VRK2: variants seen among roughly 807,000 people sequenced by gnomAD.
The protein encoded by VRK2 is VRK serine/threonine kinase 2, also known as serine/threonine-protein kinase VRK2.
In VRK2, 60 loss-of-function variants were observed where a neutral mutation model predicts 57.6. The observed-to-expected ratio is 1.04, with a 90% CI of 0.85 to 1.29. The LOEUF (loss-of-function observed/expected upper bound fraction) is 1.29. VRK2 is among the 50% of genes most tolerant of loss of function. The pLI is 0.00. For synonymous variants in VRK2, 231 were observed against 199.2 expected, an observed-to-expected ratio of 1.16 and a Z score of -1.35; for missense variants, 705 against 588.1, an observed-to-expected ratio of 1.20 and a Z score of -2.06.
At chr2:57,984,289 C>A (rs1294269119) in intron 1 of VRK2, among the ~76,000 whole-genome samples, 1 of 151,484 alleles carries the variant, frequency 6.6e-6, no homozygotes, top group African/African-American at 2.4e-5. Context: ...AAAAAGCAAA[C>A]AACAATAAAA....
At chr2:58,151,243 C>T (rs1181166039) in intron 12 of VRK2, among the ~76,000 whole-genome samples, 1 of 151,642 alleles carries the variant, frequency 6.6e-6, no homozygotes, top group Non-Finnish European at 1.5e-5. Flanking sequence ...TACATTTTTG[C>T]TTCATAGATT....
At chr2:58,020,319 C>T (rs1399820390) in intron 1 of VRK2, among the ~76,000 whole-genome samples, 4 of 152,238 alleles carry the variant, frequency 2.6e-5, no homozygotes, top group African/African-American at 7.2e-5. Context: ...AATCCTCCCA[C>T]CTCAGCCTCC....
intron 7 of VRK2, among the ~76,000 whole-genome samples, chr2:58,109,387 G>C (rs769227390): frequency 6.6e-6 from 1 of 151,774 alleles, no homozygotes; most frequent in African/African-American, 2.4e-5. Context: ...CCAGTAAATT[G>C]CCTTGTGCTT....
chr2:58,111,587 A>G (rs1225098857), intron 7 of VRK2, among the ~76,000 whole-genome samples: 2 of 152,168 alleles, frequency 1.3e-5, no homozygotes, highest in Admixed American at 6.5e-5. Flanking sequence ...CCCCATCTCT[A>G]TTTTAAAAAT....
chr2:58,025,680 C>G (rs148582479), exon 2 of VRK2: 72 of 152,230 alleles, frequency 4.7e-4, no homozygotes, highest in African/African-American at 1.7e-3. Flanking sequence ...GAATGAATCC[C>G]CAAGATGGCT....
At chr2:57,964,873 C>A (rs1440450321) in intron 1 of VRK2, among the ~76,000 whole-genome samples, 10 of 80,796 alleles carry the variant, frequency 1.2e-4, no homozygotes, top group Non-Finnish European at 2.2e-4. Flanking sequence ...GAATGAGAAT[C>A]CATCTCAAAA....
chr2:58,118,262 C>G (rs927388290), intron 7 of VRK2, among the ~76,000 whole-genome samples: 7 of 152,202 alleles, frequency 4.6e-5, no homozygotes, highest in African/African-American at 1.4e-4. Context: ...GGGTGAAGGA[C>G]CAAGGCAGGT....
intron 2 of VRK2, among the ~76,000 whole-genome samples, chr2:58,028,670 G>T (rs1384359895): frequency 6.6e-6 from 1 of 151,238 alleles, no homozygotes; most frequent in Non-Finnish European, 1.5e-5. Context: ...CTCACTCATA[G>T]GTGGGAACTG....
intron 1 of VRK2, among the ~76,000 whole-genome samples, chr2:58,007,014 T>C (rs941926550): frequency 6.6e-6 from 1 of 151,936 alleles, no homozygotes; most frequent in Non-Finnish European, 1.5e-5. Context: ...ATAATATTAA[T>C]CTTTCTCTCA....
At chr2:58,125,340 G>A (rs1678179831) in intron 8 of VRK2, among the ~76,000 whole-genome samples, 1 of 151,482 alleles carries the variant, frequency 6.6e-6, no homozygotes. Flanking sequence ...CGTTTTCATT[G>A]TGTTGTCTTC....
At chr2:58,124,922 T>C (rs1373947384) in intron 8 of VRK2, among the ~76,000 whole-genome samples, 2 of 152,156 alleles carry the variant, frequency 1.3e-5, no homozygotes, top group Non-Finnish European at 2.9e-5. Context: ...AGTATTCATA[T>C]TGTTAATAAA....
intron 2 of VRK2, among the ~76,000 whole-genome samples, chr2:58,059,044 C>A (rs539675888): frequency 6.6e-6 from 1 of 152,030 alleles, no homozygotes; most frequent in South Asian, 2.1e-4. Flanking sequence ...AGTGATGATG[C>A]TAATAATGGT....
chr2:58,138,164 T>C (rs1029863281), intron 10 of VRK2, among the ~76,000 whole-genome samples: 1 of 152,206 alleles, frequency 6.6e-6, no homozygotes, highest in African/African-American at 2.4e-5. Flanking sequence ...GTACCAAACT[T>C]GGCTTACCAA....
At chr2:58,100,235 G>C (rs17049339) in intron 7 of VRK2, among the ~76,000 whole-genome samples, 10,383 of 151,932 alleles carry the variant, frequency 0.068, 420 homozygotes, top group Non-Finnish European at 0.092. Context: ...GAATGTGTTT[G>C]TAAGAATTTT....
At chr2:58,071,207 CTT>C (rs1246012276) in intron 2 of VRK2, among the ~76,000 whole-genome samples, 1 of 151,752 alleles carries the variant, frequency 6.6e-6, no homozygotes, top group Non-Finnish European at 1.5e-5. Flanking sequence ...TTTGATATGT[CTT>C]GTCAGATGTT....
At chr2:58,028,620 G>A (rs1006777154) in intron 2 of VRK2, among the ~76,000 whole-genome samples, 26 of 151,618 alleles carry the variant, frequency 1.7e-4, no homozygotes, top group Non-Finnish European at 2.9e-4. Context: ...ACCATTCTCA[G>A]CAAACTATCG....
intron 1 of VRK2, among the ~76,000 whole-genome samples, chr2:58,002,329 T>G (rs1183910631): frequency 2.0e-5 from 3 of 152,038 alleles, no homozygotes; most frequent in Admixed American, 6.5e-5. Flanking sequence ...ATATAAAAAA[T>G]TAGCCAGGTA....
chr2:57,929,351 T>G lies in VRK2; in HGVS notation c.-439+21512T>G, dbSNP rs78775927. Among the ~76,000 whole-genome samples, 3 of 152,178 alleles carry G rather than the reference T, an allele frequency of 2.0e-5. No homozygotes were observed. In the South Asian group the frequency reaches 6.2e-4, roughly 31 times the overall value. On this transcript the variant is annotated intron_variant, in intron 1 of 15. Coordinates refer to the VRK2 transcript ENST00000417641. ...CAAGGCCACCACTGCCTTAGGCCTA[T>G]GGTGAGTACTGCCTAACCACCACCA...
intron 1 of VRK2, among the ~76,000 whole-genome samples, chr2:58,022,271 A>G (rs1048944391): frequency 9.2e-5 from 14 of 152,212 alleles, no homozygotes; most frequent in African/African-American, 1.7e-4. Flanking sequence ...TTGATACTAA[A>G]GAAAGTAATT....
Sources: allele counts gnomAD v4.1 joint callset (sites outside exome capture counted in the v4.1 genomes callset), GRCh38; gene constraint gnomAD v4.1.1; transcripts MANE v1.5; gene names NCBI Gene and HGNC (gene_info 2026-07-23, HGNC 2026-07-21).